Variants in ACO2 observed in about 807,000 individuals in gnomAD.
The protein encoded by ACO2 is aconitase 2, also known as aconitate hydratase, mitochondrial.
A neutral mutation model predicts 84.5 loss-of-function variants in ACO2; 31 were observed. The ratio of observed to expected loss-of-function variants is 0.37; its 90% CI spans 0.28 to 0.50. The LOEUF (loss-of-function observed/expected upper bound fraction) is 0.50, where lower values mean the gene tolerates loss of function less well. ACO2 is among the 20% of genes least tolerant of loss of function. The pLI is 0.97. For missense variants in ACO2, 685 were observed against 1,029.3 expected (o/e 0.67, Z 4.58); for synonymous variants, 414 against 412.7 (o/e 1.00, Z -0.04).
In ACO2 at chr22:41,492,328, A is replaced by C. The variant is rs141183694; in HGVS notation, c.37-7398A>C. On this transcript the variant is annotated intron_variant, in intron 1 of 17. Coordinates refer to ENST00000216254, the MANE Select transcript of ACO2 (RefSeq NM_001098.3). The stretch of plus-strand genomic sequence containing the variant: ...TTGTGTTGCTATAACAGAATATCAC[A>C]TACTGGGTAATTTATAAAGGAATTT... Among the ~76,000 whole-genome samples, 589 of 152,336 alleles carry C rather than the reference A, an allele frequency of 3.9e-3. 3 individuals are homozygous for C. The highest frequency in any genetic ancestry group is 0.01 in the Middle Eastern group (3 of 294).
intron 17 of ACO2, 135 bp from the exon 18 acceptor site, chr22:41,528,342 GCA>G (rs2066647499): frequency 3.1e-6 from 4 of 1,287,158 alleles, no homozygotes; most frequent in African/African-American, 3.0e-5. Context: ...GGGCCATCAG[GCA>G]CAGACTGGCC....
At chr22:41,469,355 C>A in intron 1 of ACO2, 173 bp downstream of exon 1, 1 of 675,032 alleles carries the variant, frequency 1.5e-6, no homozygotes, top group Non-Finnish European at 2.3e-6. Flanking sequence ...TAGGTCAAGG[C>A]GTCCCCGGCA....
Position 41,499,764 on chromosome 22 carries a change from C to T in ACO2, c.75C>T (p.Val25=), listed in dbSNP as rs1057518833. 4 of 1,613,830 alleles carry T rather than the reference C, an allele frequency of 2.5e-6. No individual in the cohort carries two copies. The highest frequency in any genetic ancestry group is 3.4e-6 in the Non-Finnish European group (4 of 1,180,030). ...LGVRQYHVAS[V]LCQRAKVAMS... The stretch of plus-strand genomic sequence containing the variant: ...TGCGGCAGTACCATGTGGCCTCAGT[C>T]CTGTGCCAACGGGCCAAGGTGGCGA... The change falls in exon 2 of 18, where the codon GTC becomes GTT. Residue 25 remains valine (V), a synonymous_variant. Coordinates refer to ENST00000216254, the MANE Select transcript of ACO2 (RefSeq NM_001098.3).
intron 1 of ACO2, among the ~76,000 whole-genome samples, chr22:41,495,164 C>T (rs780849371): frequency 1.3e-5 from 2 of 152,030 alleles, no homozygotes; most frequent in African/African-American, 2.4e-5. Context: ...GCAGCTGGGA[C>T]TATAGGTGTA....
chr22:41,518,016 C>T (rs1300894817), intron 7 of ACO2, among the ~76,000 whole-genome samples: 2 of 152,214 alleles, frequency 1.3e-5, no homozygotes, highest in Non-Finnish European at 2.9e-5. Context: ...GGAAGGAGAA[C>T]CACTTTCCCA....
chr22:41,502,662 G>A (rs1367790586), intron 2 of ACO2, among the ~76,000 whole-genome samples: 1 of 152,176 alleles, frequency 6.6e-6, no homozygotes, highest in Non-Finnish European at 1.5e-5. Context: ...AGGCTGGAGT[G>A]CAGTTGTGCA....
At chr22:41,526,995 A>G (rs1191555485) in intron 15 of ACO2, 10 of 493,144 alleles carry the variant, frequency 2.0e-5, no homozygotes, top group Admixed American at 7.2e-5. Context: ...TCCCTGTCTC[A>G]CCCAACCTCC....
intron 1 of ACO2, among the ~76,000 whole-genome samples, chr22:41,496,689 A>G (rs144960700): frequency 2.4e-4 from 36 of 152,230 alleles, no homozygotes; most frequent in Middle Eastern, 3.4e-3. Context: ...ATGTCATGTC[A>G]TTGGTGGGTT....
chr22:41,501,099 G>A (rs990196454), intron 2 of ACO2, among the ~76,000 whole-genome samples: 20 of 152,096 alleles, frequency 1.3e-4, no homozygotes, highest in South Asian at 2.1e-4. Context: ...AATCTCTTGG[G>A]TTTGAGTGAT....
intron 1 of ACO2, among the ~76,000 whole-genome samples, chr22:41,485,261 T>C (rs1337815869): frequency 1.3e-5 from 2 of 151,802 alleles, no homozygotes; most frequent in Non-Finnish European, 2.9e-5. Context: ...CACCCTCCCC[T>C]GCCTGGCTGG....
chr22:41,518,954 CAAG>C (rs1221400248), intron 8 of ACO2, among the ~76,000 whole-genome samples: 1 of 152,014 alleles, frequency 6.6e-6, no homozygotes, highest in African/African-American at 2.4e-5. Flanking sequence ...AAAAACAAAA[CAAG>C]AAAAACCTCA....
intron 1 of ACO2, 70 bp from the exon 2 acceptor site, chr22:41,499,656 C>T (rs775217400): frequency 2.3e-5 from 36 of 1,537,986 alleles, no homozygotes; most frequent in Non-Finnish European, 3.2e-5. Context: ...TTTCACCATA[C>T]TGAGCTGCCC....
intron 7 of ACO2, 136 bp from the exon 8 acceptor site, chr22:41,518,345 G>A: frequency 3.0e-6 from 2 of 675,114 alleles, no homozygotes; most frequent in Non-Finnish European, 5.3e-6. Flanking sequence ...AGAGACAGCA[G>A]CCTTGGTTTC....
intron 1 of ACO2, among the ~76,000 whole-genome samples, chr22:41,479,158 G>T (rs191509602): frequency 6.6e-6 from 1 of 152,274 alleles, no homozygotes; most frequent in East Asian, 1.9e-4. Flanking sequence ...GTAGGTGGGG[G>T]AATTTGCTGG....
chr22:41,485,339 T>C (rs1220261857), intron 1 of ACO2, among the ~76,000 whole-genome samples: 6 of 152,146 alleles, frequency 3.9e-5, no homozygotes, highest in Admixed American at 6.6e-5. Flanking sequence ...TCACTCTTGT[T>C]GCCCAGGCTG....
chr22:41,503,455 C>T (rs531140500), intron 2 of ACO2, among the ~76,000 whole-genome samples: 1 of 152,076 alleles, frequency 6.6e-6, no homozygotes, highest in African/African-American at 2.4e-5. Flanking sequence ...CTCAGCCTCC[C>T]GAGTAGCTGG....
At chr22:41,519,807 CAAA>C (rs11426442) in intron 8 of ACO2, among the ~76,000 whole-genome samples, 2 of 134,900 alleles carry the variant, frequency 1.5e-5, no homozygotes, top group Non-Finnish European at 1.7e-5. Context: ...GACTCCATCT[CAAA>C]AAAAAAAAAA....
chr22:41,509,813 G>GTA (rs1160033144), intron 3 of ACO2, among the ~76,000 whole-genome samples: 1,503 of 102,674 alleles, frequency 0.015, 33 homozygotes, highest in African/African-American at 0.054. Context: ...AAAGAATATG[G>GTA]TCTTTTTTTT....
rs2066549917 is a variant in ACO2, at chr22:41,523,874, A to G, written c.1415A>G (p.Tyr472Cys). ...KGEKNTIVTS[Y>C]NRNFTGRNDA... Reference sequence around the variant, plus strand: ...GAGAAGAACACAATCGTCACCTCCTACAACAGGAACTTCACGGGCCGCAAC... The same window carrying G: ...GAGAAGAACACAATCGTCACCTCCTGCAACAGGAACTTCACGGGCCGCAAC... The change falls in exon 12 of 18, where the codon TAC becomes TGC. Residue 472 changes from tyrosine to cysteine, a missense_variant. Tyr to Cys is a radical substitution (Grantham distance 194). Transcript: ENST00000216254. 6.2e-7 allele frequency: 1 copy of G among 1,612,262 alleles called. No individual in the cohort carries two copies. Among genetic ancestry groups the G allele is most frequent in the South Asian group, 1.1e-5 (1 of 90,998 alleles).
Sources: gnomAD v4.1 joint callset for allele counts (sites outside exome capture counted in the v4.1 genomes callset) on GRCh38, gnomAD v4.1.1 for gene constraint, MANE v1.5 for transcripts, NCBI Gene and HGNC (gene_info 2026-07-23, HGNC 2026-07-21) for gene names.